The following ADGRE1 variants were observed in gnomAD, a reference collection of about 807,000 sequenced individuals.
ADGRE1 encodes the protein EGF-like module receptor 1.
ADGRE1 carries 82 observed loss-of-function variants against 102.7 expected under a neutral mutation model. That is an observed-to-expected ratio of 0.80 (90% confidence interval 0.67 to 0.96). The LOEUF is 0.96. ADGRE1 is among the 40% of genes least tolerant of loss of function. The pLI is 0.00. For missense variants in ADGRE1, 1,032 were observed against 1,085.3 expected (o/e 0.95, Z 0.69); for synonymous variants, 398 against 399.6 (o/e 1.00, Z 0.05).
intron 19 of ADGRE1, 24 bp downstream of exon 19, chr19:6,937,435 T>TCCCCCCCCCCCCCCCCCCCCCCCC: frequency 7.8e-7 from 1 of 1,288,864 alleles, no homozygotes; most frequent in Non-Finnish European, 1.1e-6. Flanking sequence ...GCCCTCCCCA[T>TCCCCCCCCCCCCCCCCCCCCCCCC]CCCCCTCCTC....
At chr19:6,892,314 ATCCAT>A (rs1973409020) in intron 2 of ADGRE1, among the ~76,000 whole-genome samples, 1 of 152,098 alleles carries the variant, frequency 6.6e-6, no homozygotes, top group Admixed American at 6.5e-5. Context: ...AATCACGATA[ATCCAT>A]TCCTTCTGTT....
intron 11 of ADGRE1, 108 bp from the exon 12 acceptor site, chr19:6,916,141 C>A: frequency 7.8e-7 from 1 of 1,287,484 alleles, no homozygotes; most frequent in Non-Finnish European, 1.1e-6. Context: ...ACTTTCTATT[C>A]TTTTCCTTTG....
At chr19:6,935,638 G>A (rs534755538) in intron 18 of ADGRE1, among the ~76,000 whole-genome samples, 1 of 152,044 alleles carries the variant, frequency 6.6e-6, no homozygotes, top group Non-Finnish European at 1.5e-5. Context: ...GTTTTGGTTT[G>A]TTCTCTGTAT....
At chr19:6,931,950 G>A (rs944872251) in intron 17 of ADGRE1, among the ~76,000 whole-genome samples, 25 of 151,976 alleles carry the variant, frequency 1.6e-4, no homozygotes, top group African/African-American at 4.6e-4. Flanking sequence ...TCTTAAGCTC[G>A]TTAAGAAAAT....
At position 6,924,157 on chromosome 19, in the gene ADGRE1, T is replaced by C. The variant is rs1050575878; in HGVS notation, c.1792-521T>C. 4.0e-5 allele frequency among the ~76,000 whole-genome samples: 6 copies of C among 151,410 alleles called. No individual in the cohort carries two copies. The Admixed American group carries it at 4.0e-4, about 10-fold the overall frequency. On this transcript the variant is annotated intron_variant, in intron 14 of 20. Transcript: ENST00000312053. ...AATCTCTGGGAGGGGATGGAGGAGT[T>C]GAAGTCAGGGGGCTGTCACTTCAAT...
At chr19:6,937,155 T>C in intron 18 of ADGRE1, 88 bp from the exon 19 acceptor site, 1 of 1,455,486 alleles carries the variant, frequency 6.9e-7, no homozygotes, top group South Asian at 1.3e-5. Flanking sequence ...AATTGGAGAG[T>C]GGCCACCTCA....
At chr19:6,930,859 G>A (rs945886050) in intron 17 of ADGRE1, among the ~76,000 whole-genome samples, 4 of 151,790 alleles carry the variant, frequency 2.6e-5, no homozygotes, top group Non-Finnish European at 4.4e-5. Context: ...GGCTGGTCTC[G>A]AATTCATGAC....
At chr19:6,917,374 A>G (rs560630377) in intron 12 of ADGRE1, among the ~76,000 whole-genome samples, 5 of 152,232 alleles carry the variant, frequency 3.3e-5, no homozygotes, top group Admixed American at 1.3e-4. Context: ...TGTTGAAAAA[A>G]AGCTTGGTAT....
intron 2 of ADGRE1, chr19:6,895,583 C>T (rs995358603): frequency 6.6e-6 from 1 of 152,224 alleles, no homozygotes; most frequent in African/African-American, 2.4e-5. Flanking sequence ...TCCCCGGCCC[C>T]CTTCCCCAGA....
intron 2 of ADGRE1, among the ~76,000 whole-genome samples, chr19:6,891,547 A>C (rs1309549161): frequency 1.3e-5 from 2 of 149,934 alleles, no homozygotes; most frequent in African/African-American, 2.5e-5. Context: ...TCCGCCTTCC[A>C]GGTTCACGCC....
chr19:6,917,431 G>T (rs981944344), intron 12 of ADGRE1, among the ~76,000 whole-genome samples: 7 of 152,014 alleles, frequency 4.6e-5, no homozygotes, highest in Non-Finnish European at 8.8e-5. Context: ...AGGAATGTGG[G>T]GGAGAGAGGG....
intron 18 of ADGRE1, among the ~76,000 whole-genome samples, chr19:6,935,987 T>A (rs1975386617): frequency 6.6e-6 from 1 of 152,240 alleles, no homozygotes; most frequent in African/African-American, 2.4e-5. Flanking sequence ...CAATTGTGTT[T>A]CCTAACTTCC....
chr19:6,936,597 T>A (rs1599774841), intron 18 of ADGRE1, among the ~76,000 whole-genome samples: 1 of 150,510 alleles, frequency 6.6e-6, no homozygotes, highest in South Asian at 2.1e-4. Flanking sequence ...TGTTGGGCAG[T>A]GACCGCCACT....
chr19:6,897,360 G>C, intron 4 of ADGRE1, 56 bp downstream of exon 4: 1 of 1,609,826 alleles, frequency 6.2e-7, no homozygotes. Context: ...TCAGTGGGGT[G>C]AGTTCATGTA....
At chr19:6,911,654 C>T (rs558654460) in intron 10 of ADGRE1, among the ~76,000 whole-genome samples, 33 of 151,294 alleles carry the variant, frequency 2.2e-4, no homozygotes, top group Non-Finnish European at 2.7e-4. Context: ...TACACACATG[C>T]GCACACACAT....
chr19:6,919,806 C>A, intron 13 of ADGRE1, 59 bp downstream of exon 13: 1 of 1,534,138 alleles, frequency 6.5e-7, no homozygotes, highest in Non-Finnish European at 9.0e-7. Context: ...CCTCGTCTCT[C>A]GATTGCCTTA....
At chr19:6,893,352 C>T (rs375825812) in intron 2 of ADGRE1, among the ~76,000 whole-genome samples, 1 of 152,094 alleles carries the variant, frequency 6.6e-6, no homozygotes, top group Non-Finnish European at 1.5e-5. Context: ...CATGAACCAC[C>T]ATGCCTGGCT....
Position 6,897,425 on chromosome 19 carries a change from C to T in ADGRE1, c.395-3C>T. ...CTGCTCACCCTCTTCCACTGCTTCT[C>T]AGATATCAATGAGTGCCTCACCAGC... On this transcript the variant is annotated splice_region_variant and splice_polypyrimidine_tract_variant and intron_variant, in intron 4 of 20. Transcript: ENST00000312053. 6.3e-7 allele frequency: 1 copy of T among 1,593,350 alleles called. No homozygotes were observed. Among genetic ancestry groups the T allele is most frequent in the South Asian group, 1.1e-5 (1 of 88,126 alleles).
At chr19:6,889,761 A>C (rs375966826) in intron 1 of ADGRE1, among the ~76,000 whole-genome samples, 1 of 151,512 alleles carries the variant, frequency 6.6e-6, no homozygotes, top group Non-Finnish European at 1.5e-5. Flanking sequence ...AATACTACAG[A>C]TATACTGTAT....
Sources: gnomAD v4.1 joint callset for allele counts (sites outside exome capture counted in the v4.1 genomes callset) on GRCh38, gnomAD v4.1.1 for gene constraint, MANE v1.5 for transcripts, NCBI Gene and HGNC (gene_info 2026-07-23, HGNC 2026-07-21) for gene names.